The following EPHB1 variants were observed in gnomAD, a reference collection of about 807,000 sequenced individuals.
EPHB1 encodes the protein ephrin type-B receptor 1.
Under a neutral mutation model 94.4 loss-of-function variants are expected in EPHB1, and 30 were observed. That is an observed-to-expected ratio of 0.32 (90% CI 0.24 to 0.43). EPHB1 has a LOEUF of 0.43. EPHB1 is among the 20% of genes least tolerant of loss of function. EPHB1 has a pLI of 1.00. For missense variants in EPHB1, 1,055 were observed against 1,308.3 expected, an observed-to-expected ratio of 0.81 and a Z score of 2.99; for synonymous variants, 522 against 489.1, an observed-to-expected ratio of 1.07 and a Z score of -0.89.
At chr3:134,912,985 A>G (rs1279350270) in intron 1 of EPHB1, among the ~76,000 whole-genome samples, 1 of 152,244 alleles carries the variant, frequency 6.6e-6, no homozygotes, top group East Asian at 1.9e-4. Context: ...TAGAAGGAAA[A>G]TAAGGCAAAG....
At chr3:134,916,913 T>C (rs1050098612) in intron 1 of EPHB1, among the ~76,000 whole-genome samples, 7 of 152,238 alleles carry the variant, frequency 4.6e-5, no homozygotes, top group Non-Finnish European at 8.8e-5. Flanking sequence ...GCCAGCACAC[T>C]GTCACCTCTC....
intron 3 of EPHB1, among the ~76,000 whole-genome samples, chr3:135,001,965 T>C (rs1265556349): frequency 6.6e-6 from 1 of 152,192 alleles, no homozygotes; most frequent in East Asian, 1.9e-4. Context: ...ACATATCATT[T>C]GTACAGCAAC....
At chr3:135,063,252 G>C (rs1419739486) in intron 3 of EPHB1, among the ~76,000 whole-genome samples, 1 of 151,986 alleles carries the variant, frequency 6.6e-6, no homozygotes, top group East Asian at 1.9e-4. Flanking sequence ...TGAGGATTGT[G>C]TTAAATTTGT....
At chr3:134,975,761 T>C (rs1474471269) in intron 3 of EPHB1, among the ~76,000 whole-genome samples, 2 of 117,334 alleles carry the variant, frequency 1.7e-5, no homozygotes, top group Non-Finnish European at 3.5e-5. Context: ...GATAGAATAA[T>C]AGAAAGATTT....
intron 3 of EPHB1, among the ~76,000 whole-genome samples, chr3:135,058,127 A>G (rs1937396901): frequency 6.6e-6 from 1 of 152,228 alleles, no homozygotes; most frequent in African/African-American, 2.4e-5. Flanking sequence ...GGAGACAGGA[A>G]TGAGACTGGA....
intron 1 of EPHB1, among the ~76,000 whole-genome samples, chr3:134,847,028 C>G (rs1487039970): frequency 6.6e-6 from 1 of 152,130 alleles, no homozygotes; most frequent in Admixed American, 6.5e-5. Flanking sequence ...CTCCATTTCC[C>G]TAAGTGTCGT....
At position 134,955,103 on chromosome 3, in the gene EPHB1, T is replaced by TTTTTA. The variant is rs1559770507; in HGVS notation, c.805+3051_805+3052insTTTTA. 2.1e-3 allele frequency among the ~76,000 whole-genome samples: 93 copies of TTTTTA among 44,518 alleles called. 9 individuals are homozygous for TTTTTA. The highest frequency in any genetic ancestry group is 3.0e-3 in the Non-Finnish European group (74 of 24,388). The allele number at this position is 44,518 out of a possible 152,430, so 29.2% of individuals were successfully genotyped here. On this transcript the variant is annotated intron_variant, in intron 3 of 15. Coordinates refer to ENST00000398015, the MANE Select transcript of EPHB1 (RefSeq NM_004441.5). ...TTTTTTTTTTTTTTTTTTTTTTTTT[T>TTTTTA]AATTTTTTTTTTTTTAATTATACTC...
intron 3 of EPHB1, among the ~76,000 whole-genome samples, chr3:135,031,336 G>T (rs964657315): frequency 2.0e-5 from 3 of 151,950 alleles, no homozygotes; most frequent in African/African-American, 7.3e-5. Context: ...TCTTGATGGG[G>T]TCTCACTCTG....
intron 3 of EPHB1, among the ~76,000 whole-genome samples, chr3:134,964,291 C>A (rs946252836): frequency 1.3e-5 from 2 of 152,126 alleles, no homozygotes; most frequent in Admixed American, 6.5e-5. Context: ...GAGGCAGTAA[C>A]CAGTGATGGC....
At chr3:135,136,183 G>T (rs377599355) in intron 5 of EPHB1, among the ~76,000 whole-genome samples, 1 of 152,142 alleles carries the variant, frequency 6.6e-6, no homozygotes, top group Admixed American at 6.5e-5. Flanking sequence ...TTGATTCCAA[G>T]AGCTGTGATC....
At chr3:135,170,077 TC>T (rs1257231235) in intron 9 of EPHB1, among the ~76,000 whole-genome samples, 1 of 152,174 alleles carries the variant, frequency 6.6e-6, no homozygotes, top group Non-Finnish European at 1.5e-5. Flanking sequence ...TCTGAGATCT[TC>T]CTGACCAGGG....
chr3:135,256,540 A>T (rs1253803937), intron 15 of EPHB1, among the ~76,000 whole-genome samples: 1 of 152,132 alleles, frequency 6.6e-6, no homozygotes, highest in Non-Finnish European at 1.5e-5. Context: ...AATGTTGAAT[A>T]TTGGCCCCCA....
At chr3:134,893,429 T>A (rs527315502) in intron 1 of EPHB1, among the ~76,000 whole-genome samples, 1 of 152,204 alleles carries the variant, frequency 6.6e-6, no homozygotes, top group Admixed American at 6.5e-5. Context: ...TAATGTGGCC[T>A]GCAAGGTCCA....
At chr3:134,903,341 C>T (rs1255097614) in intron 1 of EPHB1, among the ~76,000 whole-genome samples, 1 of 152,134 alleles carries the variant, frequency 6.6e-6, no homozygotes, top group Non-Finnish European at 1.5e-5. Context: ...CCTACTGGTG[C>T]TGGCAAAACA....
At chr3:135,113,880 C>T (rs893708341) in intron 4 of EPHB1, among the ~76,000 whole-genome samples, 3 of 152,228 alleles carry the variant, frequency 2.0e-5, no homozygotes, top group Non-Finnish European at 2.9e-5. Flanking sequence ...GAATCTCTCA[C>T]ATTTATCGAT....
intron 5 of EPHB1, among the ~76,000 whole-genome samples, chr3:135,152,731 C>T (rs1477063976): frequency 6.6e-6 from 1 of 152,114 alleles, no homozygotes; most frequent in African/African-American, 2.4e-5. Context: ...AATGGGTCTG[C>T]CATGGCATCC....
intron 1 of EPHB1, among the ~76,000 whole-genome samples, chr3:134,912,359 G>A (rs1354994690): frequency 1.3e-5 from 2 of 152,186 alleles, no homozygotes; most frequent in Non-Finnish European, 2.9e-5. Context: ...AACATGCCAG[G>A]CTCCTAAATT....
chr3:135,005,708 G>A (rs866968532), intron 3 of EPHB1, among the ~76,000 whole-genome samples: 6 of 152,226 alleles, frequency 3.9e-5, no homozygotes, highest in Non-Finnish European at 7.3e-5. Context: ...TCGGGTGGGA[G>A]TGTCCCGATT....
intron 12 of EPHB1, among the ~76,000 whole-genome samples, chr3:135,202,883 G>A (rs1942795490): frequency 6.6e-6 from 1 of 152,092 alleles, no homozygotes; most frequent in Non-Finnish European, 1.5e-5. Flanking sequence ...TATACCCAAA[G>A]GATTAAAAAT....
Sources: gnomAD v4.1 joint callset for allele counts (sites outside exome capture counted in the v4.1 genomes callset) on GRCh38, gnomAD v4.1.1 for gene constraint, MANE v1.5 for transcripts, NCBI Gene and HGNC (gene_info 2026-07-23, HGNC 2026-07-21) for gene names.